BBS9: variants seen among roughly 807,000 people sequenced by gnomAD.
BBS9 encodes protein PTHB1.
BBS9 carries 89 observed loss-of-function variants against 117.7 expected under a neutral mutation model. The ratio of observed to expected loss-of-function variants is 0.76; its 90% CI spans 0.64 to 0.90. The LOEUF is 0.90. Ranked by LOEUF, BBS9 falls within the 40% of genes least tolerant of loss-of-function variation. BBS9 has a pLI of 0.00. For missense variants in BBS9, 982 were observed against 1,042.2 expected (o/e 0.94, Z 0.80); for synonymous variants, 379 against 370.9 (o/e 1.02, Z -0.25).
intron 21 of BBS9, among the ~76,000 whole-genome samples, chr7:33,571,212 C>G (rs1254756480): frequency 6.6e-6 from 1 of 152,068 alleles, no homozygotes; most frequent in Non-Finnish European, 1.5e-5. Flanking sequence ...CAAATATGCT[C>G]TATGGTCTCT....
chr7:33,534,387 T>G (rs1359224052), intron 21 of BBS9: 6 of 601,542 alleles, frequency 1.0e-5, no homozygotes, highest in Non-Finnish European at 1.8e-5. Context: ...GAATGGTATG[T>G]CTTTTTTCTT....
intron 19 of BBS9, among the ~76,000 whole-genome samples, chr7:33,500,631 G>C (rs917781773): frequency 2.0e-5 from 3 of 152,214 alleles, no homozygotes; most frequent in Non-Finnish European, 4.4e-5. Context: ...CAGCTAAACA[G>C]CAATGTAGTG....
intron 19 of BBS9, among the ~76,000 whole-genome samples, chr7:33,412,530 C>G (rs1831333038): frequency 6.6e-6 from 1 of 152,218 alleles, no homozygotes; most frequent in Non-Finnish European, 1.5e-5. Flanking sequence ...CTATGCTTAT[C>G]ATTCCTATTC....
At position 33,623,984 on chromosome 7, in the gene BBS9, T is replaced by A. The variant is rs922711045; in HGVS notation, c.2522-11193T>A. 6.4e-5 allele frequency among the ~76,000 whole-genome samples: 5 copies of A among 78,052 alleles called. No homozygotes were observed. The South Asian group carries it at 1.4e-3, about 22-fold the overall frequency. 51.2% of individuals were successfully genotyped at this position (78,052 alleles called of 152,430 possible). A position where few individuals can be genotyped will look rare whatever the true frequency, so the allele number is the denominator to read the frequency against. On this transcript the variant is annotated intron_variant, in intron 21 of 21. Transcript: ENST00000671952. ...AGCAAATCTTTCATTCATTCTATTA[T>A]TAAAAAAAAAAAAATCATATAAGTC...
intron 21 of BBS9, among the ~76,000 whole-genome samples, chr7:33,601,147 G>C (rs1163132194): frequency 1.3e-5 from 2 of 152,190 alleles, no homozygotes; most frequent in African/African-American, 2.4e-5. Context: ...GATGGAGTGA[G>C]TTACTGTACT....
chr7:33,161,470 A>G (rs1794836053), intron 4 of BBS9, among the ~76,000 whole-genome samples: 1 of 152,346 alleles, frequency 6.6e-6, no homozygotes, highest in African/African-American at 2.4e-5. Context: ...TTATGGCTGC[A>G]TAGTATTCCA....
intron 6 of BBS9, among the ~76,000 whole-genome samples, chr7:33,258,521 C>A (rs572626467): frequency 3.3e-5 from 5 of 152,118 alleles, no homozygotes; most frequent in Admixed American, 1.3e-4. Context: ...AATATTCCTT[C>A]TGTAATTCTT....
chr7:33,203,461 C>T (rs1188040616), intron 5 of BBS9, among the ~76,000 whole-genome samples: 1 of 152,116 alleles, frequency 6.6e-6, no homozygotes, highest in African/African-American at 2.4e-5. Context: ...GTGGTTCTTA[C>T]ATTTTAGTGT....
rs1156767704 is a variant in BBS9, at chr7:33,170,738, A to G, written c.329-6740A>G. Among the ~76,000 whole-genome samples the G allele has an allele frequency of 2.7e-5, 4 of 148,546 alleles. No homozygotes were observed. The East Asian group carries it at 7.9e-4, about 29-fold the overall frequency. The stretch of plus-strand genomic sequence containing the variant: ...CAGCCCAAAATCTCCTTAAGCTGAT[A>G]AGCAACTTCAGCAAAGTCTCAGGAT... On this transcript the variant is annotated intron_variant, in intron 4 of 22. Coordinates refer to ENST00000242067, the MANE Select transcript of BBS9 (RefSeq NM_198428.3).
chr7:33,367,664 C>A, intron 16 of BBS9, 103 bp from the exon 17 acceptor site: 1 of 868,004 alleles, frequency 1.2e-6, no homozygotes, highest in Non-Finnish European at 2.0e-6. Flanking sequence ...TTATACATGA[C>A]TAGTGACATA....
intron 21 of BBS9, among the ~76,000 whole-genome samples, chr7:33,557,572 TAC>T (rs750675480): frequency 3.3e-5 from 5 of 152,166 alleles, no homozygotes; most frequent in Non-Finnish European, 5.9e-5. Context: ...GTCCTTTGGA[TAC>T]AATGGACTGG....
At chr7:33,291,206 A>G (rs368986459) in intron 9 of BBS9, among the ~76,000 whole-genome samples, 3 of 152,262 alleles carry the variant, frequency 2.0e-5, no homozygotes, top group South Asian at 2.1e-4. Flanking sequence ...CTTTTAATCA[A>G]TGAAATCACA....
intron 19 of BBS9, among the ~76,000 whole-genome samples, chr7:33,466,635 A>G (rs1840206353): frequency 6.6e-6 from 1 of 152,094 alleles, no homozygotes. Context: ...GAAAAACACC[A>G]ATTAATTACT....
At chr7:33,322,709 AT>A (rs1269199436) in intron 9 of BBS9, among the ~76,000 whole-genome samples, 1 of 150,740 alleles carries the variant, frequency 6.6e-6, no homozygotes, top group African/African-American at 2.4e-5. Context: ...TGATTTTTGT[AT>A]TGTTTTCTTT....
intron 19 of BBS9, among the ~76,000 whole-genome samples, chr7:33,462,329 A>C (rs1244887115): frequency 6.6e-6 from 1 of 152,072 alleles, no homozygotes; most frequent in Non-Finnish European, 1.5e-5. Flanking sequence ...TCATTGATTG[A>C]GGAAATATGT....
At chr7:33,164,064 A>T (rs1241625233) in intron 4 of BBS9, among the ~76,000 whole-genome samples, 1 of 152,110 alleles carries the variant, frequency 6.6e-6, no homozygotes, top group Non-Finnish European at 1.5e-5. Flanking sequence ...GAACATCTTT[A>T]TTTCTGCCTT....
chr7:33,165,798 G>A (rs1795589301), intron 4 of BBS9, among the ~76,000 whole-genome samples: 1 of 152,100 alleles, frequency 6.6e-6, no homozygotes, highest in Non-Finnish European at 1.5e-5. Context: ...TTAGCTTGGA[G>A]AAGTTTGTTA....
chr7:33,267,559 T>C (rs1335897321), intron 7 of BBS9, among the ~76,000 whole-genome samples: 1 of 152,044 alleles, frequency 6.6e-6, no homozygotes, highest in East Asian at 1.9e-4. Context: ...GGGTTTCCAG[T>C]TTTTCTCTTT....
intron 4 of BBS9, among the ~76,000 whole-genome samples, chr7:33,161,459 T>G (rs1184123048): frequency 2.6e-5 from 4 of 152,226 alleles, no homozygotes; most frequent in Non-Finnish European, 5.9e-5. Context: ...CTCATCCTTT[T>G]TTATGGCTGC....
Sources: gnomAD v4.1 joint callset for allele counts (sites outside exome capture counted in the v4.1 genomes callset) on GRCh38, gnomAD v4.1.1 for gene constraint, MANE v1.5 for transcripts, NCBI Gene and HGNC (gene_info 2026-07-23, HGNC 2026-07-21) for gene names.